The following TTLL4 variants were observed in gnomAD, a reference collection of about 807,000 sequenced individuals.
TTLL4 encodes the protein tubulin monoglutamylase TTLL4.
TTLL4 carries 85 observed loss-of-function variants against 122.7 expected under a neutral mutation model. The observed-to-expected ratio is 0.69, with a 90% CI of 0.58 to 0.83. The LOEUF is 0.83. TTLL4 is among the 40% of genes least tolerant of loss of function. TTLL4 has a pLI of 0.00. For synonymous variants in TTLL4, 553 were observed against 563.0 expected (o/e 0.98, Z 0.25); for missense variants, 1,363 against 1,488.6 (o/e 0.92, Z 1.39).
intron 2 of TTLL4, among the ~76,000 whole-genome samples, chr2:218,733,986 G>C (rs746628635): frequency 2.0e-5 from 3 of 152,206 alleles, no homozygotes; most frequent in Non-Finnish European, 4.4e-5. Context: ...AAGGGCCTTG[G>C]TATAAACATG....
chr2:218,745,127 G>A lies in TTLL4; in HGVS notation c.1680G>A (p.Leu560=), dbSNP rs765497796. 1 of 1,613,928 alleles carries A rather than the reference G, an allele frequency of 6.2e-7. No homozygotes were observed. The highest frequency in any genetic ancestry group is 1.3e-5 in the African/African-American group (1 of 74,994). Residue 560 remains leucine (L), a synonymous_variant, in exon 6 of 20, where the codon CTG becomes CTA. Coordinates refer to ENST00000392102, the MANE Select transcript of TTLL4 (RefSeq NM_014640.5). The stretch of plus-strand genomic sequence containing the variant: ...GTCTTAGAAGCTGTATGGAAATTCT[G>A]ACCAAACCCCTTTCCAATCATGAGA... ...AMISRSCMEI[L]TKPLSNHEKV...
At chr2:218,744,438 A>T (rs1459134905) in intron 5 of TTLL4, among the ~76,000 whole-genome samples, 5 of 152,104 alleles carry the variant, frequency 3.3e-5, no homozygotes, top group Non-Finnish European at 5.9e-5. Context: ...CCCTTGTTGG[A>T]TTAACAGTAG....
At chr2:218,712,976 A>C (rs930337235) in intron 1 of TTLL4, among the ~76,000 whole-genome samples, 1 of 152,222 alleles carries the variant, frequency 6.6e-6, no homozygotes, top group African/African-American at 2.4e-5. Context: ...ATGTAACGGG[A>C]ATGTCTTTTG....
At chr2:218,723,854 C>T (rs1942111975) in intron 1 of TTLL4, among the ~76,000 whole-genome samples, 1 of 152,116 alleles carries the variant, frequency 6.6e-6, no homozygotes, top group Non-Finnish European at 1.5e-5. Context: ...AAGGTGAATA[C>T]AACTTGTGAT....
chr2:218,728,562 G>C (rs1225261160), intron 2 of TTLL4, among the ~76,000 whole-genome samples: 2 of 152,222 alleles, frequency 1.3e-5, no homozygotes, highest in African/African-American at 4.8e-5. Context: ...ACAGGCCATG[G>C]ACCAGTACCA....
intron 15 of TTLL4, among the ~76,000 whole-genome samples, chr2:218,751,461 A>AT (rs905764005): frequency 9.2e-5 from 14 of 152,120 alleles, no homozygotes; most frequent in Non-Finnish European, 1.9e-4. Flanking sequence ...CAAGGTCCTT[A>AT]TTTTTTATCA....
chr2:218,713,110 G>A (rs1156727975), intron 1 of TTLL4, among the ~76,000 whole-genome samples: 1 of 152,112 alleles, frequency 6.6e-6, no homozygotes, highest in Non-Finnish European at 1.5e-5. Flanking sequence ...TGGGTGTTGT[G>A]GCTCACACCT....
At chr2:218,713,614 T>G (rs554211225) in intron 1 of TTLL4, among the ~76,000 whole-genome samples, 1 of 152,320 alleles carries the variant, frequency 6.6e-6, no homozygotes, top group Non-Finnish European at 1.5e-5. Context: ...ACACATAGTT[T>G]TAAAAATTCT....
chr2:218,733,438 G>A (rs529563042), intron 2 of TTLL4, among the ~76,000 whole-genome samples: 1 of 152,230 alleles, frequency 6.6e-6, no homozygotes, highest in African/African-American at 2.4e-5. Context: ...TAAACAACCA[G>A]ATCTCATGAG....
intron 2 of TTLL4, among the ~76,000 whole-genome samples, chr2:218,737,128 T>A (rs1942546202): frequency 6.6e-6 from 1 of 152,202 alleles, no homozygotes; most frequent in South Asian, 2.1e-4. Flanking sequence ...TAATCTTTAA[T>A]CTTTCAGAAT....
chr2:218,714,844 AACAG>A (rs200040067), intron 1 of TTLL4, among the ~76,000 whole-genome samples: 1,566 of 152,158 alleles, frequency 0.01, 37 homozygotes, highest in African/African-American at 0.036. Flanking sequence ...CCTGGACTCA[AACAG>A]TCCTCCCGCC....
In TTLL4 at chr2:218,753,093, A is replaced by G. The variant is rs199750435; in HGVS notation, c.3188-22A>G. ...ATTGATTCTACCTTCTTAAACCCCA[A>G]CTCCTGCTAATCTTGTCCTAGGAGT... On this transcript the variant is annotated intron_variant, in intron 17 of 19. Coordinates refer to ENST00000392102, the MANE Select transcript of TTLL4 (RefSeq NM_014640.5). The G allele has an allele frequency of 1.9e-4, 310 of 1,613,518 alleles. No individual in the cohort carries two copies. The highest frequency in any genetic ancestry group is 2.5e-4 in the Non-Finnish European group (294 of 1,179,800).
At position 218,748,301 on chromosome 2, in the gene TTLL4, G is replaced by A. The variant is rs1319695916; in HGVS notation, c.2501+74G>A. ...GGGTTCTGGGGTTTTGGGAGGTTCA[G>A]GGGCATGGCGAGTGGAGGATTAATA... On this transcript the variant is annotated intron_variant, in intron 12 of 19. Coordinates refer to ENST00000392102, the MANE Select transcript of TTLL4 (RefSeq NM_014640.5). The A allele has an allele frequency of 4.4e-6, 7 of 1,582,780 alleles. No individual in the cohort carries two copies. In the Admixed American group the frequency reaches 1.3e-4, roughly 29 times the overall value.
At chr2:218,721,213 T>A (rs544237101) in intron 1 of TTLL4, among the ~76,000 whole-genome samples, 40 of 148,670 alleles carry the variant, frequency 2.7e-4, no homozygotes, top group Non-Finnish European at 5.0e-4. Flanking sequence ...ATGGGGGGGT[T>A]TTGGGAACCT....
Position 218,737,596 on chromosome 2 carries a change from A to T in TTLL4, c.-81A>T. On this transcript the variant is annotated 5_prime_UTR_variant, in exon 3 of 20. It removes an upstream start codon present in the reference 5' UTR. Transcript: ENST00000392102. ...CACTTCAGACTGACAGACTTCAAGG[A>T]TGCAGCTGCTACTACCGGAGGTGTG... is the stretch of plus-strand genomic sequence containing the variant. 1 of 1,457,874 alleles carries T rather than the reference A, an allele frequency of 6.9e-7. No homozygotes were observed. The highest frequency in any genetic ancestry group is 1.4e-5 in the South Asian group (1 of 73,350). 90.3% of individuals were successfully genotyped at this position (1,457,874 alleles called of 1,614,324 possible).
intron 5 of TTLL4, among the ~76,000 whole-genome samples, chr2:218,742,013 T>C (rs1381599397): frequency 2.0e-5 from 3 of 152,148 alleles, no homozygotes; most frequent in African/African-American, 7.2e-5. Context: ...CAGGCTAGAG[T>C]GCAGTGGATC....
chr2:218,712,197 T>A (rs1192270604), intron 1 of TTLL4, among the ~76,000 whole-genome samples: 2 of 152,112 alleles, frequency 1.3e-5, no homozygotes, highest in African/African-American at 4.8e-5. Context: ...AGCCATCCAG[T>A]AACAAATAGA....
At chr2:218,724,378 A>G (rs923596933) in intron 1 of TTLL4, among the ~76,000 whole-genome samples, 7 of 152,192 alleles carry the variant, frequency 4.6e-5, no homozygotes, top group Non-Finnish European at 8.8e-5. Context: ...TGAATGACTC[A>G]AGCAAATGGA....
intron 2 of TTLL4, among the ~76,000 whole-genome samples, chr2:218,730,230 G>GCC (rs2106415082): frequency 6.8e-6 from 1 of 146,826 alleles, no homozygotes; most frequent in African/African-American, 2.5e-5. Context: ...TACTTTGGGA[G>GCC]GCCGAGGTGG....
Sources: allele counts gnomAD v4.1 joint callset (sites outside exome capture counted in the v4.1 genomes callset), GRCh38; gene constraint gnomAD v4.1.1; transcripts MANE v1.5; gene names NCBI Gene and HGNC (gene_info 2026-07-23, HGNC 2026-07-21).